The following DTX1 variants were observed in gnomAD, a reference collection of about 807,000 sequenced individuals.
DTX1 encodes E3 ubiquitin-protein ligase DTX1.
Under a neutral mutation model 57.8 loss-of-function variants are expected in DTX1, and 26 were observed. The ratio of observed to expected loss-of-function variants is 0.45; its 90% CI spans 0.33 to 0.62. The LOEUF is 0.62. Ranked by LOEUF, DTX1 falls within the 20% of genes least tolerant of loss-of-function variation. The probability of loss-of-function intolerance (pLI) is 0.02; values close to 1 mark genes in which losing one functional copy is unlikely to be tolerated. For missense variants in DTX1, 704 were observed against 895.3 expected (o/e 0.79, Z 2.73); for synonymous variants, 398 against 394.1 (o/e 1.01, Z -0.12).
chr12:113,093,437 ACCCT>A lies in DTX1; in HGVS notation c.1004-98_1004-95del. 1.8e-6 allele frequency: 1 copy of A among 552,148 alleles called. No homozygotes were observed. The allele number at this position is 552,148 out of a possible 1,614,324, so 34.2% of individuals were successfully genotyped here. On this transcript the variant is annotated intron_variant, in intron 4 of 9. Transcript: ENST00000548759. The surrounding 1 kb of genome is among the most constrained non-coding windows in gnomAD (Gnocchi z 4.2). ...TGAGTGGGTGGGGCCCAAGAGCGCA[ACCCT>A]CCCACCCACCCGAGGGCCCCGGGAT...
At chr12:113,086,846 G>A (rs781675893) in intron 3 of DTX1, among the ~76,000 whole-genome samples, 54 of 17,802 alleles carry the variant, frequency 3.0e-3, no homozygotes, top group Non-Finnish European at 4.5e-3. Flanking sequence ...TTTCTGCCCC[G>A]CTAGCCACTG....
intron 2 of DTX1, among the ~76,000 whole-genome samples, chr12:113,064,170 C>T (rs1370201933): frequency 6.6e-6 from 1 of 152,200 alleles, no homozygotes; most frequent in Non-Finnish European, 1.5e-5. Flanking sequence ...TCTCCAGCCT[C>T]CTCACTGGAG....
chr12:113,086,699 T>TA (rs142711332), intron 3 of DTX1, among the ~76,000 whole-genome samples: 11,385 of 152,176 alleles, frequency 0.075, 603 homozygotes, highest in Non-Finnish European at 0.12. Context: ...GCTTTTATTT[T>TA]TAAAAAATCC....
chr12:113,086,447 G>A (rs951227171), intron 3 of DTX1, among the ~76,000 whole-genome samples: 2 of 152,106 alleles, frequency 1.3e-5, no homozygotes, highest in Middle Eastern at 3.2e-3. Context: ...GTCACACAGG[G>A]TCTGGAAGGT....
chr12:113,093,836 C>T lies in DTX1; in HGVS notation c.1165+136C>T, dbSNP rs1950265144. 2.8e-6 allele frequency: 4 copies of T among 1,444,212 alleles called. No homozygotes were observed. Among genetic ancestry groups the T allele is most frequent in the Non-Finnish European group, 3.8e-6 (4 of 1,061,914 alleles). 89.5% of individuals were successfully genotyped at this position (1,444,212 alleles called of 1,614,324 possible). ...TTGCCTGATCTCAGCTCCCCTTGCCCTGGCCCCATCTTTCACCAGCTCCTG... is the reference window on the plus strand; with the variant it reads ...TTGCCTGATCTCAGCTCCCCTTGCCTTGGCCCCATCTTTCACCAGCTCCTG... On this transcript the variant is annotated intron_variant, in intron 5 of 9. Transcript: ENST00000548759. The surrounding 1 kb of genome is among the most constrained non-coding windows in gnomAD (Gnocchi z 4.2).
chr12:113,057,137 A>G (rs1212693540), intron 1 of DTX1, among the ~76,000 whole-genome samples, 193 bp downstream of exon 1: 5 of 151,462 alleles, frequency 3.3e-5, no homozygotes, highest in South Asian at 2.1e-4. Context: ...AGCGCCGCGC[A>G]TCCCCGTGCT....
At chr12:113,085,941 T>C (rs1323913369) in intron 3 of DTX1, among the ~76,000 whole-genome samples, 1 of 152,076 alleles carries the variant, frequency 6.6e-6, no homozygotes, top group Non-Finnish European at 1.5e-5. Context: ...GAGAAGGTAA[T>C]ACCTTCTTGA....
rs767767534 is a variant in DTX1, at chr12:113,077,859, T to TGCC, written c.708_710dup (p.Pro238dup). 2.4e-5 allele frequency: 32 copies of TGCC among 1,314,552 alleles called. No individual in the cohort carries two copies. Among genetic ancestry groups the TGCC allele is most frequent in the Non-Finnish European group, 2.9e-5 (30 of 1,042,174 alleles). 81.4% of individuals were successfully genotyped at this position (1,314,552 alleles called of 1,614,324 possible). A position where few individuals can be genotyped will look rare whatever the true frequency, so the allele number is the denominator to read the frequency against. ...CGCAAGGCGCCCCCCGCGCCCCCGC[T>TGCC]GCCGCCGCCGCCGCCACCTGGAGGG... is the stretch of plus-strand genomic sequence containing the variant. On this transcript the variant is annotated inframe_insertion, in exon 3 of 10. Coordinates refer to ENST00000548759, the MANE Select transcript of DTX1 (RefSeq NM_004416.3). This position sits in a 1 kb window ranked among gnomAD's most constrained non-coding sequence, Gnocchi z 7.8.
At chr12:113,072,185 T>C (rs1280468221) in intron 2 of DTX1, among the ~76,000 whole-genome samples, 1 of 152,228 alleles carries the variant, frequency 6.6e-6, no homozygotes, top group African/African-American at 2.4e-5. Context: ...CCAAGTAGGT[T>C]GCCCGTCTCG....
chr12:113,093,599 A>C lies in DTX1; in HGVS notation c.1064A>C (p.Lys355Thr). The C allele has an allele frequency of 1.9e-6, 3 of 1,612,400 alleles. No individual in the cohort carries two copies. Among genetic ancestry groups the C allele is most frequent in the Non-Finnish European group, 2.5e-6 (3 of 1,179,462 alleles). ...GLPVCLTRAP[K>T]PILHPPPVSK... is the part of the protein sequence containing the mutation. ...CCCGTGTGCCTGACGCGGGCCCCCA[A>C]GCCCATCCTGCACCCGCCGCCCGTG... The change falls in exon 5 of 10, where the codon AAG becomes ACG. Residue 355 changes from lysine (K) to threonine (T), a missense_variant. Transcript: ENST00000548759. The surrounding 1 kb of genome is among the most constrained non-coding windows in gnomAD (Gnocchi z 4.2).
rs1424393084 is a variant in DTX1, at chr12:113,058,443, A to G, written c.251A>G (p.Gln84Arg). 18 of 1,600,044 alleles carry G rather than the reference A, an allele frequency of 1.1e-5. No individual in the cohort carries two copies. The highest frequency in any genetic ancestry group is 1.7e-4 in the Middle Eastern group (1 of 5,974). Residue 84 changes from glutamine to arginine, a missense_variant, in exon 2 of 10, where the codon CAG (glutamine) becomes CGG (arginine). Physicochemically the swap from Gln to Arg is conservative, Grantham distance 43. This residue lies in a region of DTX1 where 237 missense variants were observed against 328.6 expected (regional missense o/e 0.72). Coordinates refer to ENST00000548759, the MANE Select transcript of DTX1 (RefSeq NM_004416.3). The part of the protein sequence containing the change: ...IDLQSMHQFR[Q>R]DTGTMRPVRR... ...CTGCAGTCCATGCACCAGTTTCGCC[A>G]GGACACAGGTGAGCAGACACCCACC...
rs773106047 is a variant in DTX1, at chr12:113,096,918, C to T, written c.1842C>T (p.Ser614=). ...VLAELTAQGV[S]EAAAKA is the part of the protein sequence containing the mutation. The stretch of plus-strand genomic sequence containing the variant: ...CTGAGCTCACAGCCCAGGGCGTATC[C>T]GAGGCTGCAGCCAAGGCTTGAGGCC... Residue 614 remains serine, a synonymous_variant, in exon 10 of 10, where the codon TCC becomes TCT. Transcript: ENST00000548759. The T allele has an allele frequency of 2.0e-5, 32 of 1,611,730 alleles. No individual in the cohort carries two copies. In the Middle Eastern group the frequency reaches 4.9e-4, roughly 25 times the overall value.
chr12:113,095,172 G>A lies in DTX1; in HGVS notation c.1517G>A (p.Arg506His), dbSNP rs1174353611. The stretch of plus-strand genomic sequence containing the variant: ...GGCTTCCCTGATACCCAGACCATCC[G>A]CATCGTCTATGACATCCCCACAGGC... ...LPGFPDTQTI[R>H]IVYDIPTGIQ... The change falls in exon 8 of 10, where the codon CGC becomes CAC. Residue 506 changes from arginine to histidine, a missense_variant. Physicochemically the swap from Arg to His is conservative, Grantham distance 29. Around this residue, in one of 3 missense-constraint regions of DTX1, gnomAD observed 168 missense variants for 255.6 expected, o/e 0.66. Coordinates refer to ENST00000548759, the MANE Select transcript of DTX1 (RefSeq NM_004416.3). 3.1e-6 allele frequency: 5 copies of A among 1,612,070 alleles called. No homozygotes were observed. The highest frequency in any genetic ancestry group is 3.3e-4 in the Middle Eastern group (2 of 6,056).
In DTX1 at chr12:113,093,104, C is replaced by T; in HGVS notation, c.942-58C>T. ...CCAGAGACAGAAGGCAAGCCAGGTCCCCTGACGTCGCTTCGGGGGCTGGAG... is the reference window on the plus strand; with the variant it reads ...CCAGAGACAGAAGGCAAGCCAGGTCTCCTGACGTCGCTTCGGGGGCTGGAG... On this transcript the variant is annotated intron_variant, in intron 3 of 9. Transcript: ENST00000548759. The surrounding 1 kb of genome is among the most constrained non-coding windows in gnomAD (Gnocchi z 4.2). 6.5e-7 allele frequency: 1 copy of T among 1,543,496 alleles called. No homozygotes were observed. Among genetic ancestry groups the T allele is most frequent in the East Asian group, 2.4e-5 (1 of 41,000 alleles).
chr12:113,093,755 C>T lies in DTX1; in HGVS notation c.1165+55C>T. The T allele has an allele frequency of 6.3e-7, 1 of 1,596,756 alleles. No individual in the cohort carries two copies. The highest frequency in any genetic ancestry group is 8.6e-7 in the Non-Finnish European group (1 of 1,168,622). ...GATGAACCCCACTAAGCCTTGACCA[C>T]AACTCTGTGACCCCTGGTCTCCAAC... is the stretch of plus-strand genomic sequence containing the variant. On this transcript the variant is annotated intron_variant, in intron 5 of 9. Coordinates refer to ENST00000548759, the MANE Select transcript of DTX1 (RefSeq NM_004416.3). This position sits in a 1 kb window ranked among gnomAD's most constrained non-coding sequence, Gnocchi z 4.2.
chr12:113,073,733 C>G (rs1486994696), intron 2 of DTX1, among the ~76,000 whole-genome samples: 1 of 152,186 alleles, frequency 6.6e-6, no homozygotes, highest in African/African-American at 2.4e-5. Flanking sequence ...GTTCCCCTAT[C>G]TGGTTGCAGA....
chr12:113,063,643 G>C (rs2044681228), intron 2 of DTX1, among the ~76,000 whole-genome samples: 2 of 152,238 alleles, frequency 1.3e-5, no homozygotes, highest in Admixed American at 1.3e-4. Flanking sequence ...TGCAAGCCTG[G>C]CCTTTTCTGG....
At chr12:113,089,712 C>A (rs1018213216) in intron 3 of DTX1, among the ~76,000 whole-genome samples, 1 of 152,216 alleles carries the variant, frequency 6.6e-6, no homozygotes, top group African/African-American at 2.4e-5. Flanking sequence ...GTCCCCCAGG[C>A]TCACTGATGG....
chr12:113,058,862 T>A (rs999122121), intron 2 of DTX1, among the ~76,000 whole-genome samples: 7 of 152,142 alleles, frequency 4.6e-5, no homozygotes, highest in African/African-American at 1.7e-4. Context: ...AGTAAGTCTG[T>A]GTATTGTTGT....
Sources: gnomAD v4.1 joint callset for allele counts (sites outside exome capture counted in the v4.1 genomes callset) on GRCh38, gnomAD v4.1.1 for gene constraint, gnomAD v4.1.1 regional missense constraint, Gnocchi (gnomAD v3.1) non-coding constraint, MANE v1.5 for transcripts, NCBI Gene and HGNC (gene_info 2026-07-23, HGNC 2026-07-21) for gene names.